NCALD: variants seen among roughly 807,000 people sequenced by gnomAD.
The protein encoded by NCALD is neurocalcin delta.
NCALD carries 10 observed loss-of-function variants against 18.6 expected under a neutral mutation model. That is an observed-to-expected ratio of 0.54 (90% CI 0.33 to 0.91). The LOEUF (loss-of-function observed/expected upper bound fraction) is 0.91. Among genes scored for constraint, NCALD ranks in the 40% least tolerant of loss-of-function variants. The pLI is 0.03. For missense variants in NCALD, 184 were observed against 247.6 expected (o/e 0.74, Z 1.72); for synonymous variants, 88 against 87.4 (o/e 1.01, Z -0.04).
At chr8:102,036,496 C>T (rs549362192) in intron 1 of NCALD, among the ~76,000 whole-genome samples, 4 of 151,978 alleles carry the variant, frequency 2.6e-5, no homozygotes, top group East Asian at 3.9e-4. Flanking sequence ...CATAAGAGGC[C>T]GGGTATGGTG....
intron 1 of NCALD, among the ~76,000 whole-genome samples, chr8:102,090,463 T>C (rs889336395): frequency 6.6e-6 from 1 of 152,112 alleles, no homozygotes; most frequent in East Asian, 1.9e-4. Flanking sequence ...GAGATTAGAA[T>C]AGAGGAAAAA....
intron 1 of NCALD, among the ~76,000 whole-genome samples, chr8:102,040,877 C>T (rs1823027854): frequency 6.6e-6 from 1 of 152,180 alleles, no homozygotes; most frequent in South Asian, 2.1e-4. Context: ...CAATGGGAAG[C>T]TCCCTATGCC....
chr8:101,964,083 C>T lies in NCALD; in HGVS notation c.-156-48225G>A, dbSNP rs147869786. Among the ~76,000 whole-genome samples the T allele has an allele frequency of 9.4e-3, 1,425 of 152,222 alleles. 17 individuals are homozygous for T. The highest frequency in any genetic ancestry group is 0.031 in the Middle Eastern group (9 of 294). ...GTTGTAATGATATTCTCTTAAGCCA[C>T]GCATTTAAAAATCTTGAAATATACA... On this transcript the variant is annotated intron_variant, in intron 2 of 6. Coordinates refer to the NCALD transcript ENST00000311028.
At chr8:101,849,911 T>A (rs189953827) in intron 4 of NCALD, among the ~76,000 whole-genome samples, 3 of 152,320 alleles carry the variant, frequency 2.0e-5, no homozygotes, top group African/African-American at 4.8e-5. Flanking sequence ...CCCCAGCCAT[T>A]CACAGAATTC....
At chr8:102,012,425 A>G (rs1369133838) in intron 2 of NCALD, among the ~76,000 whole-genome samples, 4 of 152,350 alleles carry the variant, frequency 2.6e-5, no homozygotes, top group Admixed American at 2.0e-4. Context: ...AGCCTTGGGT[A>G]GGGAGCTGGG....
At chr8:101,970,566 TAC>T (rs1174085735) in intron 2 of NCALD, among the ~76,000 whole-genome samples, 4 of 152,196 alleles carry the variant, frequency 2.6e-5, no homozygotes, top group African/African-American at 4.8e-5. Context: ...TATATTACTC[TAC>T]ACAGTTGTTA....
Position 101,689,035 on chromosome 8 carries a change from A to G in NCALD, c.*274T>C. The G allele has an allele frequency of 5.7e-6, 4 of 699,840 alleles. No homozygotes were observed. Among genetic ancestry groups the G allele is most frequent in the Non-Finnish European group, 1.0e-5 (4 of 384,312 alleles). The allele number at this position is 699,840 out of a possible 1,614,324, so 43.4% of individuals were successfully genotyped here. ...TTACGTTTTAGAACAGAGACATTAG[A>G]ATAAAAAAAAATAATAGTAACGATT... is the stretch of plus-strand genomic sequence containing the variant. On this transcript the variant is annotated 3_prime_UTR_variant, in exon 4 of 4. Transcript: ENST00000220931. The surrounding 1 kb of genome is among the most constrained non-coding windows in gnomAD (Gnocchi z 4.4).
intron 2 of NCALD, among the ~76,000 whole-genome samples, chr8:101,956,631 G>A (rs1047848050): frequency 6.6e-6 from 1 of 152,068 alleles, no homozygotes; most frequent in Admixed American, 6.6e-5. Flanking sequence ...GAGAGAGAGA[G>A]AGACAGACAC....
intron 1 of NCALD, among the ~76,000 whole-genome samples, chr8:102,102,898 T>C (rs1335126746): frequency 6.6e-6 from 1 of 152,176 alleles, no homozygotes. Flanking sequence ...GCTCTGCACA[T>C]GCAGGAATTT....
chr8:101,736,970 CA>C (rs1346467670), intron 1 of NCALD, among the ~76,000 whole-genome samples: 1 of 152,122 alleles, frequency 6.6e-6, no homozygotes, highest in Non-Finnish European at 1.5e-5. Flanking sequence ...AAATGATTCT[CA>C]GTTGTTTTAT....
At chr8:101,763,393 C>T (rs1268472361) in intron 1 of NCALD, among the ~76,000 whole-genome samples, 5 of 152,154 alleles carry the variant, frequency 3.3e-5, no homozygotes, top group Non-Finnish European at 7.3e-5. Context: ...GAGGAAATGA[C>T]TCCAAGGTTT....
intron 1 of NCALD, among the ~76,000 whole-genome samples, chr8:102,092,000 A>G (rs772130318): frequency 2.0e-5 from 3 of 152,230 alleles, no homozygotes; most frequent in Admixed American, 6.5e-5. Flanking sequence ...TCTGGGTAAA[A>G]TGAGGCTGAG....
At chr8:102,060,260 C>A (rs975125443) in intron 1 of NCALD, among the ~76,000 whole-genome samples, 2 of 152,188 alleles carry the variant, frequency 1.3e-5, no homozygotes, top group Non-Finnish European at 2.9e-5. Flanking sequence ...GGATTACAGG[C>A]ATGAGCCACT....
intron 4 of NCALD, among the ~76,000 whole-genome samples, chr8:101,829,374 C>T (rs1814076480): frequency 6.6e-6 from 1 of 152,132 alleles, no homozygotes; most frequent in East Asian, 1.9e-4. Flanking sequence ...GATCACTACC[C>T]ATCTCATTAT....
intron 1 of NCALD, among the ~76,000 whole-genome samples, chr8:102,030,618 A>C (rs759453998): frequency 1.2e-4 from 19 of 152,232 alleles, no homozygotes; most frequent in Non-Finnish European, 2.1e-4. Flanking sequence ...ACAGTGGCTC[A>C]TGCCTGTAAT....
At chr8:101,793,498 CT>C (rs1223467062), upstream of NCALD, among the ~76,000 whole-genome samples, 2 of 152,058 alleles carry the variant, frequency 1.3e-5, no homozygotes, top group Admixed American at 6.5e-5. Flanking sequence ...TGCAAACTAC[CT>C]AGGTTTAGAA....
intron 2 of NCALD, chr8:101,694,527 A>G (rs572816433): frequency 2.0e-5 from 3 of 152,224 alleles, no homozygotes; most frequent in African/African-American, 7.2e-5. Flanking sequence ...TCTGTCTCAA[A>G]CCCACCCAAT....
Position 101,748,305 on chromosome 8 carries a change from G to A in NCALD, c.-19-28657C>T, listed in dbSNP as rs1810510266. ...TTTATGACACAAGTAAAAATTCAAT[G>A]CACTACAATTAGAATATTCACAAGC... is the stretch of plus-strand genomic sequence containing the variant. On this transcript the variant is annotated intron_variant, in intron 1 of 3. Coordinates refer to ENST00000220931, the MANE Select transcript of NCALD (RefSeq NM_032041.3). Among the ~76,000 whole-genome samples, 5 of 152,152 alleles carry A rather than the reference G, an allele frequency of 3.3e-5. No individual in the cohort carries two copies. In the South Asian group the frequency reaches 1.0e-3, roughly 31 times the overall value.
rs151104495 is a variant in NCALD at position 101,756,481 on chromosome 8, G to C, written c.-20+34381C>G. Among the ~76,000 whole-genome samples, 358 of 152,352 alleles carry C rather than the reference G, an allele frequency of 2.3e-3. 2 individuals carry two copies. Among genetic ancestry groups the C allele is most frequent in the African/African-American group, 7.8e-3 (324 of 41,588 alleles). ...TGTTCAACAGCGCCACTGTGTGGCAGTGAAAAGCAAGTGCAGGGTAGACCA... is the reference window on the plus strand; with the variant it reads ...TGTTCAACAGCGCCACTGTGTGGCACTGAAAAGCAAGTGCAGGGTAGACCA... On this transcript the variant is annotated intron_variant, in intron 1 of 3. Transcript: ENST00000220931.
Sources: allele counts gnomAD v4.1 joint callset (sites outside exome capture counted in the v4.1 genomes callset), GRCh38; gene constraint gnomAD v4.1.1; non-coding constraint Gnocchi (gnomAD v3.1); transcripts MANE v1.5; gene names NCBI Gene and HGNC (gene_info 2026-07-23, HGNC 2026-07-21).